Variants in RPS6KA2 observed in about 807,000 individuals in gnomAD.
RPS6KA2 encodes the protein ribosomal protein S6 kinase A2.
A neutral mutation model predicts 91.8 loss-of-function variants in RPS6KA2; 42 were observed. The ratio of observed to expected loss-of-function variants is 0.46; its 90% confidence interval spans 0.36 to 0.59. RPS6KA2 has a LOEUF of 0.59. Among genes scored for constraint, RPS6KA2 ranks in the 20% least tolerant of loss-of-function variants. RPS6KA2 has a pLI of 0.00. For missense variants in RPS6KA2, 798 were observed against 978.5 expected, an observed-to-expected ratio of 0.82 and a Z score of 2.46; for synonymous variants, 414 against 393.6, an observed-to-expected ratio of 1.05 and a Z score of -0.61.
chr6:166,734,204 CA>C (rs1790609009), intron 2 of RPS6KA2, among the ~76,000 whole-genome samples: 3 of 152,298 alleles, frequency 2.0e-5, no homozygotes, highest in Admixed American at 2.0e-4. Context: ...TCATGGCTAG[CA>C]GCAATTCTCA....
chr6:166,672,547 T>C (rs1295561008), intron 2 of RPS6KA2, among the ~76,000 whole-genome samples: 2 of 152,198 alleles, frequency 1.3e-5, no homozygotes, highest in African/African-American at 2.4e-5. Context: ...GCAATTTCAA[T>C]TGGATACCTT....
At chr6:166,610,218 T>G (rs1786121021) in intron 1 of RPS6KA2, among the ~76,000 whole-genome samples, 1 of 152,202 alleles carries the variant, frequency 6.6e-6, no homozygotes, top group African/African-American at 2.4e-5. Context: ...AATGTATAAA[T>G]AGCAAGTCGT....
intron 2 of RPS6KA2, among the ~76,000 whole-genome samples, chr6:166,835,860 C>CT (rs1780304316): frequency 6.6e-6 from 1 of 152,164 alleles, no homozygotes; most frequent in African/African-American, 2.4e-5. Context: ...TGGCTGTCAG[C>CT]TTTTTGTAGA....
intron 8 of RPS6KA2, among the ~76,000 whole-genome samples, chr6:166,492,546 C>T (rs1049807103): frequency 6.6e-6 from 1 of 152,174 alleles, no homozygotes; most frequent in Non-Finnish European, 1.5e-5. Flanking sequence ...ACTATGAAAT[C>T]CCATTTCCAA....
At chr6:166,749,928 G>A (rs1454530633) in intron 2 of RPS6KA2, among the ~76,000 whole-genome samples, 7 of 151,602 alleles carry the variant, frequency 4.6e-5, no homozygotes, top group Non-Finnish European at 7.4e-5. Flanking sequence ...CAAGGGGAAG[G>A]GGGATACTGA....
chr6:166,636,908 TA>T (rs902765081), intron 2 of RPS6KA2, among the ~76,000 whole-genome samples: 1 of 152,140 alleles, frequency 6.6e-6, no homozygotes, highest in South Asian at 2.1e-4. Context: ...GGCCAATTTT[TA>T]AAAAAAAGTG....
intron 2 of RPS6KA2, among the ~76,000 whole-genome samples, chr6:166,720,831 G>T (rs6926288): frequency 0.021 from 3,217 of 152,244 alleles, 113 homozygotes; most frequent in African/African-American, 0.073. Flanking sequence ...GTGCAGAGCA[G>T]CAAGGCCGTA....
At chr6:166,429,962 C>CTTT (rs1302011018) in intron 16 of RPS6KA2, among the ~76,000 whole-genome samples, 2 of 142,200 alleles carry the variant, frequency 1.4e-5, no homozygotes, top group African/African-American at 2.6e-5. Context: ...TTTTTCTTTT[C>CTTT]TTTTTTTTTT....
At chr6:166,618,951 T>C (rs550764564) in intron 1 of RPS6KA2, among the ~76,000 whole-genome samples, 57 of 152,242 alleles carry the variant, frequency 3.7e-4, no homozygotes, top group Non-Finnish European at 6.2e-4. Context: ...TGGACTCCGA[T>C]TGACGCCATC....
chr6:166,851,249 AG>A (rs1780734318), intron 2 of RPS6KA2, among the ~76,000 whole-genome samples: 1 of 152,174 alleles, frequency 6.6e-6, no homozygotes, highest in Non-Finnish European at 1.5e-5. Flanking sequence ...ACCAGTCCTC[AG>A]GGGCTCAGAC....
chr6:166,546,463 G>A (rs1456156926), intron 1 of RPS6KA2, among the ~76,000 whole-genome samples: 3 of 150,234 alleles, frequency 2.0e-5, no homozygotes, highest in African/African-American at 7.4e-5. Context: ...ATGCTAGTGT[G>A]TCACCCTGAC....
At chr6:166,422,298 T>A (rs1244997677) in intron 17 of RPS6KA2, among the ~76,000 whole-genome samples, 2 of 152,150 alleles carry the variant, frequency 1.3e-5, no homozygotes, top group Non-Finnish European at 2.9e-5. Context: ...TGGCTGCACA[T>A]CCGTTCACGT....
chr6:166,509,284 C>T (rs1782379089), intron 4 of RPS6KA2: 1 of 169,556 alleles, frequency 5.9e-6, no homozygotes. Flanking sequence ...TTGTAGGACA[C>T]CCAGTTCTCA....
At chr6:166,741,965 T>G (rs550339599) in intron 2 of RPS6KA2, among the ~76,000 whole-genome samples, 1 of 152,078 alleles carries the variant, frequency 6.6e-6, no homozygotes, top group Non-Finnish European at 1.5e-5. Flanking sequence ...CCGTCTCTAC[T>G]AAAAATACAA....
intron 2 of RPS6KA2, among the ~76,000 whole-genome samples, chr6:166,779,824 G>T (rs571015191): frequency 6.6e-6 from 1 of 152,182 alleles, no homozygotes; most frequent in African/African-American, 2.4e-5. Context: ...TAACGGCAAG[G>T]CTGGGGCTAG....
chr6:166,751,046 C>A (rs560956641), intron 2 of RPS6KA2, among the ~76,000 whole-genome samples: 8 of 152,308 alleles, frequency 5.3e-5, no homozygotes, highest in African/African-American at 1.7e-4. Flanking sequence ...TCCCCTAACT[C>A]AGCACCTCAC....
At chr6:166,706,791 C>T (rs1583036731) in intron 2 of RPS6KA2, among the ~76,000 whole-genome samples, 1 of 152,166 alleles carries the variant, frequency 6.6e-6, no homozygotes, top group Non-Finnish European at 1.5e-5. Context: ...TTAAAGGATA[C>T]ATTCATATCT....
intron 1 of RPS6KA2, among the ~76,000 whole-genome samples, chr6:166,861,640 C>T (rs1272845653): frequency 6.6e-6 from 1 of 152,098 alleles, no homozygotes; most frequent in Non-Finnish European, 1.5e-5. Context: ...TATCTTTTTT[C>T]GTTTAAGATC....
chr6:166,441,746 G>T (rs1779524431), intron 14 of RPS6KA2, among the ~76,000 whole-genome samples: 1 of 152,274 alleles, frequency 6.6e-6, no homozygotes, highest in African/African-American at 2.4e-5. Flanking sequence ...AGGACGAGCA[G>T]GCTGTGATCC....
Sources: allele counts gnomAD v4.1 joint callset (sites outside exome capture counted in the v4.1 genomes callset), GRCh38; gene constraint gnomAD v4.1.1; transcripts MANE v1.5; gene names NCBI Gene and HGNC (gene_info 2026-07-23, HGNC 2026-07-21).